Variants in ZNF223 observed in about 807,000 individuals in gnomAD.
The protein encoded by ZNF223 is Homo sapiens zinc finger protein 223.
A neutral mutation model predicts 12.3 loss-of-function variants in ZNF223; 9 were observed. The ratio of observed to expected loss-of-function variants is 0.73; its 90% CI spans 0.44 to 1.28. ZNF223 has a LOEUF of 1.28. Among genes scored for constraint, ZNF223 ranks in the 50% most tolerant of loss-of-function variants. ZNF223 has a pLI of 0.00. For synonymous variants in ZNF223, 171 were observed against 195.2 expected, an observed-to-expected ratio of 0.88 and a Z score of 1.03; for missense variants, 506 against 579.0, an observed-to-expected ratio of 0.87 and a Z score of 1.29.
intron 4 of ZNF223, among the ~76,000 whole-genome samples, chr19:44,062,016 C>A (rs1006324237): frequency 6.6e-6 from 1 of 152,170 alleles, no homozygotes; most frequent in Non-Finnish European, 1.5e-5. Context: ...AGGTGTTTAT[C>A]TGTTTGTTTA....
At chr19:44,057,006 A>G (rs1367174071) in intron 2 of ZNF223, among the ~76,000 whole-genome samples, 1 of 152,230 alleles carries the variant, frequency 6.6e-6, no homozygotes, top group African/African-American at 2.4e-5. Flanking sequence ...AGGATAAAGA[A>G]AAAAGTTCAA....
chr19:44,056,775 T>C (rs1976775137), intron 2 of ZNF223, among the ~76,000 whole-genome samples: 1 of 151,338 alleles, frequency 6.6e-6, no homozygotes, highest in South Asian at 2.1e-4. Context: ...TTTTTGTGTG[T>C]TTTTAGTAGA....
intron 1 of ZNF223, among the ~76,000 whole-genome samples, chr19:44,052,954 G>A (rs1329444993): frequency 6.6e-6 from 1 of 152,064 alleles, no homozygotes; most frequent in Non-Finnish European, 1.5e-5. Context: ...CTAGCATCAT[G>A]TTATCTAATC....
chr19:44,060,943 T>G (rs536418287), intron 4 of ZNF223, 102 bp downstream of exon 4: 1 of 1,162,282 alleles, frequency 8.6e-7, no homozygotes, highest in African/African-American at 1.5e-5. Flanking sequence ...CAAACATCTT[T>G]GCTGGATTAT....
At chr19:44,058,598 A>G (rs1976798478) in intron 2 of ZNF223, among the ~76,000 whole-genome samples, 1 of 152,154 alleles carries the variant, frequency 6.6e-6, no homozygotes. Flanking sequence ...GAGTTTTTAC[A>G]ATAGCTATGT....
chr19:44,066,279 G>A lies in ZNF223; in HGVS notation c.451G>A (p.Gly151Arg), dbSNP rs1353705215. The change falls in exon 5 of 5, where the codon GGG becomes AGG. Residue 151 changes from glycine (G) to arginine (R), a missense_variant. Physicochemically the swap from Gly to Arg is moderately radical, Grantham distance 125 (BLOSUM62 -2). Coordinates refer to ENST00000434772, the MANE Select transcript of ZNF223 (RefSeq NM_013361.6). ...CACAGGACAGAAACCTTCCAATTGT[G>A]GGAAGTGTAAACAATCCTTCAGTGA... Reference protein sequence around the residue: ...MHTGQKPSNCGKCKQSFSDMS... With the variant: ...MHTGQKPSNCRKCKQSFSDMS... 1 of 1,614,198 alleles carries A rather than the reference G, an allele frequency of 6.2e-7. No individual in the cohort carries two copies. The highest frequency in any genetic ancestry group is 2.2e-5 in the East Asian group (1 of 44,878).
In ZNF223 at chr19:44,067,508, C is replaced by A; in HGVS notation, c.*231C>A. ...TTCCTCTTATCTACCTGTACTTTTG[C>A]ATCCATTAGCCAACCTTTGGCCATC... is the stretch of plus-strand genomic sequence containing the variant. On this transcript the variant is annotated 3_prime_UTR_variant, in exon 5 of 5. Transcript: ENST00000434772. The A allele has an allele frequency of 1.7e-6, 1 of 590,022 alleles. No homozygotes were observed. 36.5% of individuals were successfully genotyped at this position (590,022 alleles called of 1,614,324 possible).
Position 44,060,507 on chromosome 19 carries a change from G to T in ZNF223, c.68G>T (p.Gly23Val). 6.2e-7 allele frequency: 1 copy of T among 1,614,142 alleles called. No homozygotes were observed. Among genetic ancestry groups the T allele is most frequent in the Non-Finnish European group, 8.5e-7 (1 of 1,180,024 alleles). Reference protein sequence around the residue: ...VAVVFTEEELGLLDLAQRKLY... With the variant: ...VAVVFTEEELVLLDLAQRKLY... ...GTGGTCTTCACTGAGGAGGAGCTGG[G>T]GCTGCTGGACCTTGCCCAGAGGAAG... Residue 23 changes from glycine (G) to valine (V), a missense_variant, in exon 3 of 5, where the codon GGG becomes GTG. Coordinates refer to ENST00000434772, the MANE Select transcript of ZNF223 (RefSeq NM_013361.6).
chr19:44,062,092 T>C (rs1976848182), intron 4 of ZNF223, among the ~76,000 whole-genome samples: 1 of 152,204 alleles, frequency 6.6e-6, no homozygotes. Flanking sequence ...TTTGGTATCC[T>C]GATGAATGAA....
Position 44,067,521 on chromosome 19 carries a change from A to G in ZNF223, c.*244A>G. 1.8e-6 allele frequency: 1 copy of G among 542,910 alleles called. No homozygotes were observed. Among genetic ancestry groups the G allele is most frequent in the Non-Finnish European group, 3.4e-6 (1 of 290,426 alleles). 33.6% of individuals were successfully genotyped at this position (542,910 alleles called of 1,614,324 possible). On this transcript the variant is annotated 3_prime_UTR_variant, in exon 5 of 5. Coordinates refer to ENST00000434772, the MANE Select transcript of ZNF223 (RefSeq NM_013361.6). ...CCTGTACTTTTGCATCCATTAGCCAACCTTTGGCCATCCCACCTATCCCTT... is the reference window on the plus strand; with the variant it reads ...CCTGTACTTTTGCATCCATTAGCCAGCCTTTGGCCATCCCACCTATCCCTT...
At chr19:44,054,286 T>G (rs576102803) in intron 1 of ZNF223, among the ~76,000 whole-genome samples, 4 of 152,218 alleles carry the variant, frequency 2.6e-5, no homozygotes, top group African/African-American at 9.6e-5. Context: ...TGATGTTCGT[T>G]TGTCCCTTCA....
intron 1 of ZNF223, among the ~76,000 whole-genome samples, chr19:44,052,636 A>G (rs892681337): frequency 6.6e-6 from 1 of 152,164 alleles, no homozygotes; most frequent in Non-Finnish European, 1.5e-5. Flanking sequence ...AAATTTGCCA[A>G]GTGTTTACAT....
intron 4 of ZNF223, among the ~76,000 whole-genome samples, chr19:44,065,594 T>C (rs1976898592): frequency 6.7e-6 from 1 of 148,208 alleles, no homozygotes. Context: ...TTTTTTTTTT[T>C]TGAGGCAGAG....
At chr19:44,054,996 A>G (rs1040737508) in intron 1 of ZNF223, 113 bp from the exon 2 acceptor site, 2 of 520,078 alleles carry the variant, frequency 3.8e-6, no homozygotes, top group Non-Finnish European at 6.9e-6. Context: ...GTTAGTATGA[A>G]TAATGCTGCT....
intron 4 of ZNF223, among the ~76,000 whole-genome samples, chr19:44,062,433 A>G (rs554159580): frequency 6.6e-6 from 1 of 152,146 alleles, no homozygotes; most frequent in Non-Finnish European, 1.5e-5. Flanking sequence ...TTGGAACTGG[A>G]ATTTTTTTCC....
chr19:44,052,632 G>A (rs1002228353), intron 1 of ZNF223, among the ~76,000 whole-genome samples: 8 of 152,138 alleles, frequency 5.3e-5, no homozygotes, highest in Non-Finnish European at 1.2e-4. Flanking sequence ...ACCCAAATTT[G>A]CCAAGTGTTT....
chr19:44,066,112 A>C lies in ZNF223; in HGVS notation c.284A>C (p.His95Pro), dbSNP rs748491974. The change falls in exon 5 of 5, where the codon CAT (histidine) becomes CCT (proline). Residue 95 changes from histidine (H) to proline (P), a missense_variant. Transcript: ENST00000434772. ...AAGACTTTTCCAGAAGCAGGACCAC[A>C]TGAAGGGTGGTCCTGCCAGCAGATC... The part of the protein sequence containing the change: ...EMKTFPEAGP[H>P]EGWSCQQIWE... The C allele has an allele frequency of 5.0e-6, 8 of 1,613,066 alleles. No individual in the cohort carries two copies. Among genetic ancestry groups the C allele is most frequent in the Non-Finnish European group, 6.8e-6 (8 of 1,179,568 alleles).
Position 44,066,631 on chromosome 19 carries a change from C to T in ZNF223, c.803C>T (p.Ala268Val), listed in dbSNP as rs776429079. The stretch of plus-strand genomic sequence containing the variant: ...TATAATTGTGAGGCATGTGGGAGGG[C>T]CTTCATTCATGATTTCCAGCTTCAG... Reference protein sequence around the residue: ...KHYNCEACGRAFIHDFQLQKH... With the variant: ...KHYNCEACGRVFIHDFQLQKH... The change falls in exon 5 of 5, where the codon GCC becomes GTC. Residue 268 changes from alanine to valine, a missense_variant. Ala to Val is a moderately conservative substitution (Grantham distance 64, BLOSUM62 0). Coordinates refer to ENST00000434772, the MANE Select transcript of ZNF223 (RefSeq NM_013361.6). The T allele has an allele frequency of 1.9e-6, 3 of 1,614,072 alleles. No homozygotes were observed. The highest frequency in any genetic ancestry group is 1.7e-5 in the Admixed American group (1 of 60,016).
chr19:44,057,565 G>A (rs149412950), intron 2 of ZNF223, among the ~76,000 whole-genome samples: 4 of 152,144 alleles, frequency 2.6e-5, no homozygotes, highest in East Asian at 1.9e-4. Flanking sequence ...TCAAAATACC[G>A]TATATTTCTT....
Sources: allele counts gnomAD v4.1 joint callset (sites outside exome capture counted in the v4.1 genomes callset), GRCh38; gene constraint gnomAD v4.1.1; transcripts MANE v1.5; gene names NCBI Gene and HGNC (gene_info 2026-07-23, HGNC 2026-07-21).